The following ADAM9 variants were observed in gnomAD, a reference collection of about 807,000 sequenced individuals.
ADAM9 encodes the protein ADAM metallopeptidase domain 9, also known as disintegrin and metalloproteinase domain-containing protein 9.
Under a neutral mutation model 108.1 loss-of-function variants are expected in ADAM9, and 54 were observed. The ratio of observed to expected loss-of-function variants is 0.50; its 90% CI spans 0.40 to 0.63. The LOEUF (loss-of-function observed/expected upper bound fraction) is 0.63. Ranked by LOEUF, ADAM9 falls within the 20% of genes least tolerant of loss-of-function variation. The probability of loss-of-function intolerance (pLI) is 0.00; values close to 1 mark genes in which losing one functional copy is unlikely to be tolerated. For missense variants in ADAM9, 830 were observed against 997.7 expected, an observed-to-expected ratio of 0.83 and a Z score of 2.26; for synonymous variants, 316 against 336.0, an observed-to-expected ratio of 0.94 and a Z score of 0.65.
chr8:39,016,318 T>C lies in ADAM9; in HGVS notation c.410+124T>C, dbSNP rs554276072. ...AAATTGGAATTTACTTTGATGTTAC[T>C]GAACATTTTTACAGCTGTGTTTCAG... On this transcript the variant is annotated intron_variant, in intron 5 of 21. Coordinates refer to ENST00000487273, the MANE Select transcript of ADAM9 (RefSeq NM_003816.3). The C allele has an allele frequency of 4.4e-5, 36 of 821,364 alleles. No individual in the cohort carries two copies. The African/African-American group carries it at 5.6e-4, about 13-fold the overall frequency. The allele number at this position is 821,364 out of a possible 1,614,324, so 50.9% of individuals were successfully genotyped here. A position where few individuals can be genotyped will look rare whatever the true frequency, so the allele number is the denominator to read the frequency against.
chr8:39,103,857 T>C lies in ADAM9; in HGVS notation c.*157T>C, dbSNP rs1300198294. ...CTAACACAGAAAAACAGAAACTGAGTGTGAGAGTTGTGAAATACAAGGAAA... is the reference window on the plus strand; with the variant it reads ...CTAACACAGAAAAACAGAAACTGAGCGTGAGAGTTGTGAAATACAAGGAAA... On this transcript the variant is annotated 3_prime_UTR_variant, in exon 22 of 22. Coordinates refer to ENST00000487273, the MANE Select transcript of ADAM9 (RefSeq NM_003816.3). The C allele has an allele frequency of 8.1e-6, 6 of 739,632 alleles. No individual in the cohort carries two copies. The highest frequency in any genetic ancestry group is 6.9e-5 in the African/African-American group (4 of 57,712). The allele number at this position is 739,632 out of a possible 1,614,324, so 45.8% of individuals were successfully genotyped here. A position where few individuals can be genotyped will look rare whatever the true frequency, so the allele number is the denominator to read the frequency against.
chr8:39,026,041 G>C (rs1836909619), intron 10 of ADAM9, among the ~76,000 whole-genome samples, 157 bp downstream of exon 10: 1 of 152,086 alleles, frequency 6.6e-6, no homozygotes, highest in African/African-American at 2.4e-5. Flanking sequence ...CCAGAGACTG[G>C]GTCAAGTTTT....
Position 39,091,296 on chromosome 8 carries a change from C to T in ADAM9, c.2248C>T (p.Pro750Ser). The T allele has an allele frequency of 6.2e-7, 1 of 1,614,096 alleles. No homozygotes were observed. The highest frequency in any genetic ancestry group is 2.2e-5 in the East Asian group (1 of 44,870). Residue 750 changes from proline to serine, a missense_variant, in exon 20 of 22, where the codon CCG (proline) becomes TCG (serine). Coordinates refer to ENST00000487273, the MANE Select transcript of ADAM9 (RefSeq NM_003816.3). ...AAATCAAGCAAACCCTTCTAGACAG[C>T]CGGGGAGTGTTCCTCGACATGTTTC... ...GKNQANPSRQ[P>S]GSVPRHVSPV...
At chr8:39,007,566 T>A (rs1239585258) in intron 1 of ADAM9, among the ~76,000 whole-genome samples, 1 of 152,238 alleles carries the variant, frequency 6.6e-6, no homozygotes, top group Non-Finnish European at 1.5e-5. Context: ...GTTTATACCT[T>A]AAGATTTCTT....
chr8:39,021,580 G>A lies in ADAM9; in HGVS notation c.673-63G>A, dbSNP rs377013691. Reference sequence around the variant, plus strand: ...ATTACAGGCATGAGGTACTGCACCCGGCCTTACATTTCTATTCTTAAAGTA... The same window carrying A: ...ATTACAGGCATGAGGTACTGCACCCAGCCTTACATTTCTATTCTTAAAGTA... On this transcript the variant is annotated intron_variant, in intron 7 of 21. Transcript: ENST00000487273. 6.9e-6 allele frequency: 10 copies of A among 1,451,266 alleles called. No individual in the cohort carries two copies. The East Asian group carries it at 1.8e-4, about 26-fold the overall frequency. The allele number at this position is 1,451,266 out of a possible 1,614,324, so 89.9% of individuals were successfully genotyped here. A position where few individuals can be genotyped will look rare whatever the true frequency, so the allele number is the denominator to read the frequency against.
At chr8:39,008,109 C>T in intron 2 of ADAM9, 126 bp downstream of exon 2, 2 of 701,120 alleles carry the variant, frequency 2.9e-6, no homozygotes. Context: ...TAGAATAGCA[C>T]CATATGGTAC....
rs533628177 is a variant in ADAM9, at chr8:39,068,558, C to A, written c.1592-2740C>A. ...GGCATGATGGCGGGCACCTGTAATC[C>A]CAGCTACTCAGGAGGCTGAGGCAGG... is the stretch of plus-strand genomic sequence containing the variant. On this transcript the variant is annotated intron_variant, in intron 14 of 21. Transcript: ENST00000487273. Among the ~76,000 whole-genome samples the A allele has an allele frequency of 2.5e-4, 38 of 151,226 alleles. No individual in the cohort carries two copies. In the South Asian group the frequency reaches 7.8e-3, roughly 31 times the overall value.
intron 14 of ADAM9, among the ~76,000 whole-genome samples, chr8:39,059,069 G>C (rs937916488): frequency 6.6e-6 from 1 of 152,166 alleles, no homozygotes; most frequent in Non-Finnish European, 1.5e-5. Context: ...ACATGGTAAG[G>C]CCAGTGAATT....
chr8:39,022,966 G>T (rs1836794955), intron 8 of ADAM9, among the ~76,000 whole-genome samples, 190 bp from the exon 9 acceptor site: 1 of 152,100 alleles, frequency 6.6e-6, no homozygotes, highest in African/African-American at 2.4e-5. Flanking sequence ...AACTGCCTCG[G>T]CCTCCCAAAG....
At chr8:39,035,573 CTT>C (rs1264660181) in intron 11 of ADAM9, among the ~76,000 whole-genome samples, 1 of 152,156 alleles carries the variant, frequency 6.6e-6, no homozygotes, top group Non-Finnish European at 1.5e-5. Flanking sequence ...AATCCTAGCA[CTT>C]TGGGAGGCTG....
At chr8:39,077,096 GCT>G in intron 15 of ADAM9, 130 bp from the exon 16 acceptor site, 1 of 990,466 alleles carries the variant, frequency 1.0e-6, no homozygotes, top group Non-Finnish European at 1.5e-6. Flanking sequence ...GACCTCTCTT[GCT>G]CTCATACACT....
chr8:39,001,385 A>G (rs1418620519), intron 1 of ADAM9, among the ~76,000 whole-genome samples: 1 of 152,250 alleles, frequency 6.6e-6, no homozygotes, highest in Non-Finnish European at 1.5e-5. Flanking sequence ...TATTCAACAC[A>G]TATTTTATTG....
chr8:39,055,876 T>C, intron 14 of ADAM9, 104 bp downstream of exon 14: 1 of 1,184,024 alleles, frequency 8.4e-7, no homozygotes, highest in African/African-American at 1.5e-5. Flanking sequence ...TGAGGCTCTC[T>C]TGTTTCTCAT....
At chr8:39,071,516 G>A in intron 15 of ADAM9, 113 bp downstream of exon 15, 1 of 958,744 alleles carries the variant, frequency 1.0e-6, no homozygotes, top group East Asian at 2.8e-5. Flanking sequence ...TGCCAGGCTG[G>A]AGTGCAGTGG....
At chr8:39,005,525 T>A (rs1463294500) in intron 1 of ADAM9, among the ~76,000 whole-genome samples, 1 of 152,258 alleles carries the variant, frequency 6.6e-6, no homozygotes, top group African/African-American at 2.4e-5. Flanking sequence ...GGTCACTAAC[T>A]GATTCCAATA....
At chr8:39,045,262 ATGTGTATACATACATATGTATATG>A (rs1189879873) in intron 12 of ADAM9, among the ~76,000 whole-genome samples, 3 of 142,248 alleles carry the variant, frequency 2.1e-5, no homozygotes, top group African/African-American at 7.9e-5. Flanking sequence ...ATGTGTATAT[ATGTGTATACATACATATGTATATG>A]TGTGTGTACA....
At chr8:39,040,231 T>C (rs906167338) in intron 11 of ADAM9, among the ~76,000 whole-genome samples, 5 of 152,102 alleles carry the variant, frequency 3.3e-5, no homozygotes, top group African/African-American at 1.2e-4. Flanking sequence ...TGTATTTTAG[T>C]AGAGACGGGG....
intron 11 of ADAM9, among the ~76,000 whole-genome samples, chr8:39,037,937 C>CT (rs1178823409): frequency 6.6e-6 from 1 of 152,230 alleles, no homozygotes; most frequent in Non-Finnish European, 1.5e-5. Context: ...TACCCATAGT[C>CT]TTCCCCATGT....
intron 12 of ADAM9, among the ~76,000 whole-genome samples, chr8:39,048,538 T>C (rs956659892): frequency 2.6e-5 from 4 of 152,216 alleles, no homozygotes; most frequent in African/African-American, 9.6e-5. Flanking sequence ...GAGAATAGTA[T>C]GTATTCTGCC....
Sources: gnomAD v4.1 joint callset for allele counts (sites outside exome capture counted in the v4.1 genomes callset) on GRCh38, gnomAD v4.1.1 for gene constraint, MANE v1.5 for transcripts, NCBI Gene and HGNC (gene_info 2026-07-23, HGNC 2026-07-21) for gene names.